BCL11B: variants seen among roughly 807,000 people sequenced by gnomAD.
BCL11B encodes BCL11 transcription factor B.
Under a neutral mutation model 49.9 loss-of-function variants are expected in BCL11B, and 8 were observed. The ratio of observed to expected loss-of-function variants is 0.16; its 90% CI spans 0.09 to 0.29. The LOEUF (loss-of-function observed/expected upper bound fraction) is 0.29, where lower values mean the gene tolerates loss of function less well. BCL11B is among the 10% of genes least tolerant of loss of function. The pLI is 1.00. For synonymous variants in BCL11B, 739 were observed against 637.4 expected (o/e 1.16, Z -2.40); for missense variants, 1,006 against 1,351.0 (o/e 0.74, Z 4.00).
chr14:99,271,314 T>TGCC lies in BCL11B; in HGVS notation c.-99_-97dup, dbSNP rs537810518. ...GCCGCCGCCGCGCCGCTGCCGCCGC[T>TGCC]GCCGCCGCCGCCGCCGCCGCCGCAC... On this transcript the variant is annotated 5_prime_UTR_variant, in exon 1 of 4. Coordinates refer to ENST00000357195, the MANE Select transcript of BCL11B (RefSeq NM_138576.4). 2.6e-4 allele frequency: 221 copies of TGCC among 849,240 alleles called. No homozygotes were observed. The East Asian group carries it at 2.9e-3, about 11-fold the overall frequency. The allele number at this position is 849,240 out of a possible 1,614,324, so 52.6% of individuals were successfully genotyped here.
At chr14:99,266,418 C>T (rs552655307) in intron 1 of BCL11B, among the ~76,000 whole-genome samples, 2 of 152,094 alleles carry the variant, frequency 1.3e-5, no homozygotes, top group Admixed American at 1.3e-4. Flanking sequence ...GTCAAGACCA[C>T]GGACGAATCA....
intron 3 of BCL11B, among the ~76,000 whole-genome samples, chr14:99,197,649 C>T (rs1887215858): frequency 6.6e-6 from 1 of 152,044 alleles, no homozygotes; most frequent in African/African-American, 2.4e-5. Flanking sequence ...AGATACACAC[C>T]CCGCACGCAC....
chr14:99,190,596 T>C (rs2058747365), intron 3 of BCL11B, among the ~76,000 whole-genome samples: 1 of 151,996 alleles, frequency 6.6e-6, no homozygotes, highest in African/African-American at 2.4e-5. Context: ...GAAAAAAATC[T>C]CTAAGGGAAG....
rs754124219 is a variant in BCL11B at position 99,188,713 on chromosome 14, G to A, written c.641-12518C>T. Among the ~76,000 whole-genome samples, 4 of 152,262 alleles carry A rather than the reference G, an allele frequency of 2.6e-5. No homozygotes were observed. The East Asian group carries it at 5.8e-4, about 22-fold the overall frequency. On this transcript the variant is annotated intron_variant, in intron 3 of 3. Transcript: ENST00000357195. The stretch of plus-strand genomic sequence containing the variant: ...GTGAATTTCCTCTGCCCCCCACAGT[G>A]GGCTCCCTTCTCCCCAACCCTCTCC...
rs1152789 is a variant in BCL11B at position 99,242,123 on chromosome 14, G to A, written c.428-10566C>T. On this transcript the variant is annotated intron_variant, in intron 2 of 3. Transcript: ENST00000357195. This position sits in a 1 kb window ranked among gnomAD's most constrained non-coding sequence, Gnocchi z 4.4. ...TGAAGGAAGACTTTCTGAGCGGTTC[G>A]GTTCAGAGTTTTAGGAGAACAAGAA... is the stretch of plus-strand genomic sequence containing the variant. Among the ~76,000 whole-genome samples, 9 of 152,112 alleles carry A rather than the reference G, an allele frequency of 5.9e-5. No homozygotes were observed. Among genetic ancestry groups the A allele is most frequent in the African/African-American group, 1.2e-4 (5 of 41,398 alleles).
rs1019627361 is a variant in BCL11B, at chr14:99,271,398, C to CTCT, written c.-183_-181dup. The stretch of plus-strand genomic sequence containing the variant: ...CTTCCTCTCTTTCCCTCTCTTCCTC[C>CTCT]TCTTCTTCTTCTTTATTTTGCTCTT... On this transcript the variant is annotated 5_prime_UTR_variant, in exon 1 of 4. Coordinates refer to ENST00000357195, the MANE Select transcript of BCL11B (RefSeq NM_138576.4). 1 of 295,352 alleles carries CTCT rather than the reference C, an allele frequency of 3.4e-6. No individual in the cohort carries two copies. The highest frequency in any genetic ancestry group is 6.3e-6 in the Non-Finnish European group (1 of 157,754). The allele number at this position is 295,352 out of a possible 1,614,324, so 18.3% of individuals were successfully genotyped here. A position where few individuals can be genotyped will look rare whatever the true frequency, so the allele number is the denominator to read the frequency against.
rs1295632848 is a variant in BCL11B, at chr14:99,184,837, G to A, written c.641-8642C>T. Among the ~76,000 whole-genome samples the A allele has an allele frequency of 2.0e-5, 3 of 152,280 alleles. No individual in the cohort carries two copies. Among genetic ancestry groups the A allele is most frequent in the African/African-American group, 4.8e-5 (2 of 41,558 alleles). ...GCTCACCCCATAGTGTTGGGTGACCGTCCACTTACCCTCATGGGACCCCTG... is the reference window on the plus strand; with the variant it reads ...GCTCACCCCATAGTGTTGGGTGACCATCCACTTACCCTCATGGGACCCCTG... On this transcript the variant is annotated intron_variant, in intron 3 of 3. Coordinates refer to ENST00000357195, the MANE Select transcript of BCL11B (RefSeq NM_138576.4). The surrounding 1 kb of genome is among the most constrained non-coding windows in gnomAD (Gnocchi z 6.1).
intron 1 of BCL11B, among the ~76,000 whole-genome samples, chr14:99,269,010 G>C (rs1202073057): frequency 6.7e-6 from 1 of 149,928 alleles, no homozygotes; most frequent in African/African-American, 2.5e-5. Context: ...CAGGGCTCTC[G>C]CCTGATGTCC....
chr14:99,177,821 G>C (rs1266796669), intron 3 of BCL11B, among the ~76,000 whole-genome samples: 4 of 152,022 alleles, frequency 2.6e-5, no homozygotes, highest in African/African-American at 9.7e-5. Flanking sequence ...GAAATCCTAG[G>C]CAGACAGCAT....
chr14:99,171,428 CTTT>C lies in BCL11B; in HGVS notation c.*2720_*2722del, dbSNP rs999972036. ...GCCTGTTTGTTTTTGTTTTTTTTTT[CTTT>C]TTATTTCCAAATTCACTAACAAAAA... is the stretch of plus-strand genomic sequence containing the variant. On this transcript the variant is annotated 3_prime_UTR_variant, in exon 4 of 4. Coordinates refer to ENST00000357195, the MANE Select transcript of BCL11B (RefSeq NM_138576.4). 2 of 196,124 alleles carry C rather than the reference CTTT, an allele frequency of 1.0e-5. No homozygotes were observed. Among genetic ancestry groups the C allele is most frequent in the African/African-American group, 5.0e-5 (2 of 40,118 alleles). 12.1% of individuals were successfully genotyped at this position (196,124 alleles called of 1,614,324 possible).
At chr14:99,237,716 T>C (rs565069575) in intron 2 of BCL11B, among the ~76,000 whole-genome samples, 1 of 152,264 alleles carries the variant, frequency 6.6e-6, no homozygotes, top group East Asian at 1.9e-4. Context: ...ACAGCTGTGT[T>C]TAAAGAGTTC....
In BCL11B at chr14:99,231,633, C is replaced by A. The variant is rs941186305; in HGVS notation, c.428-76G>T. 2.8e-6 allele frequency: 3 copies of A among 1,078,814 alleles called. No individual in the cohort carries two copies. In the Admixed American group the frequency reaches 6.8e-5, roughly 25 times the overall value. The allele number at this position is 1,078,814 out of a possible 1,614,324, so 66.8% of individuals were successfully genotyped here. On this transcript the variant is annotated intron_variant, in intron 2 of 3. Transcript: ENST00000357195. This position sits in a 1 kb window ranked among gnomAD's most constrained non-coding sequence, Gnocchi z 8.1. ...GAGGGGCACGGGGTGGGACGGGGCT[C>A]GGGGCGTGGGGCTCTGCTCAGGCCA...
chr14:99,170,940 G>A lies in BCL11B; in HGVS notation c.*3211C>T, dbSNP rs576368664. Reference sequence around the variant, plus strand: ...GTTTGCATTGCTTTCTGCTGGTAAGGGCGGGAGAGGTGGTGGTGGTGACCG... The same window carrying A: ...GTTTGCATTGCTTTCTGCTGGTAAGAGCGGGAGAGGTGGTGGTGGTGACCG... On this transcript the variant is annotated 3_prime_UTR_variant, in exon 4 of 4. Transcript: ENST00000357195. 2 of 232,590 alleles carry A rather than the reference G, an allele frequency of 8.6e-6. No homozygotes were observed. The highest frequency in any genetic ancestry group is 1.1e-4 in the Admixed American group (2 of 17,780). 14.4% of individuals were successfully genotyped at this position (232,590 alleles called of 1,614,324 possible).
At chr14:99,255,445 CA>C (rs1249205758) in intron 2 of BCL11B, among the ~76,000 whole-genome samples, 2 of 144,124 alleles carry the variant, frequency 1.4e-5, no homozygotes, top group South Asian at 2.2e-4. Flanking sequence ...ACAGGGGGGC[CA>C]GGGGGTGGAA....
In BCL11B at chr14:99,262,322, G is replaced by A. The variant is rs936040982; in HGVS notation, c.59-4483C>T. Among the ~76,000 whole-genome samples, 4 of 152,218 alleles carry A rather than the reference G, an allele frequency of 2.6e-5. No homozygotes were observed. The highest frequency in any genetic ancestry group is 6.5e-5 in the Admixed American group (1 of 15,288). On this transcript the variant is annotated intron_variant, in intron 1 of 3. Coordinates refer to ENST00000357195, the MANE Select transcript of BCL11B (RefSeq NM_138576.4). This position sits in a 1 kb window ranked among gnomAD's most constrained non-coding sequence, Gnocchi z 4.2. ...CTGTCCCCAGAGCACAGGCATGTGC[G>A]TGGCTGCCTGCACACACACATGTGC... is the stretch of plus-strand genomic sequence containing the variant.
At chr14:99,267,681 CG>C (rs1432245265) in intron 1 of BCL11B, among the ~76,000 whole-genome samples, 1 of 152,066 alleles carries the variant, frequency 6.6e-6, no homozygotes, top group African/African-American at 2.4e-5. Context: ...TTGTGAGCAC[CG>C]CTGCCTTCAA....
chr14:99,225,650 A>G (rs968270097), intron 3 of BCL11B, among the ~76,000 whole-genome samples: 7 of 152,086 alleles, frequency 4.6e-5, no homozygotes, highest in African/African-American at 1.2e-4. Context: ...TTAAAAAAAA[A>G]GGGAAAAAAA....
chr14:99,229,982 G>A (rs1391238411), intron 3 of BCL11B, among the ~76,000 whole-genome samples: 1 of 152,214 alleles, frequency 6.6e-6, no homozygotes, highest in Non-Finnish European at 1.5e-5. Flanking sequence ...TTTGCAAGTG[G>A]TTCCGACTCC....
At chr14:99,181,425 A>T (rs1886697668) in intron 3 of BCL11B, among the ~76,000 whole-genome samples, 1 of 152,242 alleles carries the variant, frequency 6.6e-6, no homozygotes, top group African/African-American at 2.4e-5. Flanking sequence ...AGAGAAGCAA[A>T]GCGGCACGGC....
Sources: gnomAD v4.1 joint callset for allele counts (sites outside exome capture counted in the v4.1 genomes callset) on GRCh38, gnomAD v4.1.1 for gene constraint, Gnocchi (gnomAD v3.1) non-coding constraint, MANE v1.5 for transcripts, NCBI Gene and HGNC (gene_info 2026-07-23, HGNC 2026-07-21) for gene names.